The following PARL variants were observed in gnomAD, a reference collection of about 807,000 sequenced individuals.
The protein encoded by PARL is presenilin-associated rhomboid-like protein, mitochondrial.
Under a neutral mutation model 51.6 loss-of-function variants are expected in PARL, and 44 were observed. The observed-to-expected ratio is 0.85, with a 90% CI of 0.67 to 1.10. The LOEUF is 1.10. PARL is among the 50% of genes least tolerant of loss of function. The pLI is 0.00. For synonymous variants in PARL, 172 were observed against 164.0 expected (o/e 1.05, Z -0.37); for missense variants, 441 against 469.5 (o/e 0.94, Z 0.56).
chr3:183,875,055 G>A (rs1011163786), intron 1 of PARL, among the ~76,000 whole-genome samples: 1 of 152,194 alleles, frequency 6.6e-6, no homozygotes, highest in Non-Finnish European at 1.5e-5. Flanking sequence ...CTGGATGACA[G>A]AACTAGACTC....
At position 183,829,642 on chromosome 3, in the gene PARL, C is replaced by T. The variant is rs1198609034; in HGVS notation, c.1096G>A (p.Glu366Lys). 4 of 1,614,036 alleles carry T rather than the reference C, an allele frequency of 2.5e-6. No homozygotes were observed. In the African/African-American group the frequency reaches 5.3e-5, roughly 22 times the overall value. The change falls in exon 10 of 10, where the codon GAA becomes AAA. Residue 366 changes from glutamate to lysine, a missense_variant. Coordinates refer to ENST00000317096, the MANE Select transcript of PARL (RefSeq NM_018622.7). ...NREPLVKIWH[E>K]IRTNGPKKGG... is the part of the protein sequence containing the mutation. ...TTTTTGGGGCCATTAGTCCTTATTT[C>T]ATGCCAGATTTTCACTAGCGGCTCC... is the stretch of plus-strand genomic sequence containing the variant.
At chr3:183,827,244 G>A (rs1391999650), downstream of PARL, among the ~76,000 whole-genome samples, 2 of 152,110 alleles carry the variant, frequency 1.3e-5, no homozygotes, top group African/African-American at 4.8e-5. Flanking sequence ...TTGAGCCCAG[G>A]AGTTTGAGAA....
chr3:183,831,414 C>T (rs893038658), intron 9 of PARL, among the ~76,000 whole-genome samples: 11 of 152,282 alleles, frequency 7.2e-5, no homozygotes, highest in African/African-American at 2.6e-4. Context: ...GCAAGATGAC[C>T]GATTTCTAGG....
At chr3:183,866,840 C>A in intron 2 of PARL, 75 bp from the exon 3 acceptor site, 1 of 1,098,656 alleles carries the variant, frequency 9.1e-7, no homozygotes, top group East Asian at 2.6e-5. Flanking sequence ...AAGGAGAATT[C>A]TTCACTGTCA....
intron 7 of PARL, among the ~76,000 whole-genome samples, chr3:183,836,998 C>T (rs945564250): frequency 6.6e-6 from 1 of 152,192 alleles, no homozygotes; most frequent in Non-Finnish European, 1.5e-5. Context: ...ACCTCGGCCT[C>T]CCAAAGTGCT....
chr3:183,866,879 T>A (rs369831647), intron 2 of PARL, 114 bp from the exon 3 acceptor site: 1 of 784,878 alleles, frequency 1.3e-6, no homozygotes, highest in Admixed American at 2.3e-5. Flanking sequence ...CAGAAGGGAA[T>A]ACTTGGCACA....
chr3:183,835,199 T>C (rs1728432181), intron 7 of PARL, among the ~76,000 whole-genome samples: 2 of 151,738 alleles, frequency 1.3e-5, no homozygotes, highest in Admixed American at 1.3e-4. Context: ...AAAATAACTT[T>C]TGAAAGAAGC....
At chr3:183,844,191 T>C (rs1261467488) in intron 5 of PARL, 40 bp downstream of exon 5, 1 of 1,307,778 alleles carries the variant, frequency 7.6e-7, no homozygotes. Flanking sequence ...TCTTTCATAT[T>C]ATTTCTACCT....
intron 9 of PARL, among the ~76,000 whole-genome samples, chr3:183,832,894 C>G (rs1047053811): frequency 1.3e-5 from 2 of 152,164 alleles, no homozygotes; most frequent in African/African-American, 4.8e-5. Flanking sequence ...TATTGAAGAG[C>G]TGTTTGGCCT....
chr3:183,855,231 G>A (rs994833349), intron 4 of PARL, among the ~76,000 whole-genome samples: 4 of 152,128 alleles, frequency 2.6e-5, no homozygotes, highest in Admixed American at 6.5e-5. Context: ...ATTAGATGAC[G>A]TTAATAGTTG....
At position 183,862,788 on chromosome 3, in the gene PARL, C is replaced by G; in HGVS notation, c.476G>C (p.Trp159Ser). 6.2e-7 allele frequency: 1 copy of G among 1,613,330 alleles called. No individual in the cohort carries two copies. Among genetic ancestry groups the G allele is most frequent in the South Asian group, 1.1e-5 (1 of 91,056 alleles). ...GDFRKEINKW[W>S]NNLSDGQRTV... ...CCGCTGGCCATCACTTAGGTTATTCCACCACTTGTTAATCTAAAACAGACA... is the reference window on the plus strand; with the variant it reads ...CCGCTGGCCATCACTTAGGTTATTCGACCACTTGTTAATCTAAAACAGACA... Residue 159 changes from tryptophan (W) to serine (S), a missense_variant, in exon 4 of 10, where the codon TGG becomes TCG. Trp to Ser is a radical substitution (Grantham distance 177). Coordinates refer to ENST00000317096, the MANE Select transcript of PARL (RefSeq NM_018622.7).
intron 4 of PARL, among the ~76,000 whole-genome samples, chr3:183,854,702 T>C (rs372080095): frequency 8.7e-5 from 13 of 148,924 alleles, no homozygotes; most frequent in Admixed American, 4.7e-4. Context: ...ACTATATGCT[T>C]AAAAATGATT....
In PARL at chr3:183,833,739, C is replaced by T. The variant is rs375492363; in HGVS notation, c.915G>A (p.Thr305=). ...AAATACTTACATTCCCTGCTGTGAA[C>T]GTGAACATCGGAAGGAAAATAATGG... ...RLAIIFLPMF[T]FTAGNALKAI... The change falls in exon 8 of 10, where the codon ACG becomes ACA. Residue 305 remains threonine, a synonymous_variant. Transcript: ENST00000317096. The T allele has an allele frequency of 2.3e-5, 37 of 1,606,208 alleles. No homozygotes were observed. The highest frequency in any genetic ancestry group is 8.5e-6 in the Non-Finnish European group (10 of 1,172,900).
At chr3:183,837,629 A>G (rs191836617) in intron 7 of PARL, among the ~76,000 whole-genome samples, 35 of 152,266 alleles carry the variant, frequency 2.3e-4, no homozygotes, top group Admixed American at 1.8e-3. Context: ...AGGAACCTGG[A>G]CGTCTACTCC....
At chr3:183,870,825 T>C (rs1256603272) in intron 1 of PARL, among the ~76,000 whole-genome samples, 1 of 152,192 alleles carries the variant, frequency 6.6e-6, no homozygotes, top group African/African-American at 2.4e-5. Context: ...TGATCTGTTT[T>C]GCTCTCTTAA....
intron 4 of PARL, among the ~76,000 whole-genome samples, chr3:183,859,103 A>C (rs1036816458): frequency 1.3e-5 from 2 of 152,068 alleles, no homozygotes; most frequent in Admixed American, 1.3e-4. Flanking sequence ...CAGAAGATCT[A>C]GACCATCCTG....
Position 183,844,250 on chromosome 3 carries a change from G to A in PARL, c.588C>T (p.Phe196=), listed in dbSNP as rs981409512. The change falls in exon 5 of 10, where the codon TTC becomes TTT. Residue 196 remains phenylalanine (F), a synonymous_variant. Transcript: ENST00000317096. ...PSLQRTMIRY[F]TSNPASKVLC... is the part of the protein sequence containing the mutation. ...ACTTACTTGAGGCTGGATTCGATGT[G>A]AAATATCTGATCATTGTCCGCTGCA... 6 of 1,603,870 alleles carry A rather than the reference G, an allele frequency of 3.7e-6. No individual in the cohort carries two copies. Among genetic ancestry groups the A allele is most frequent in the Non-Finnish European group, 4.3e-6 (5 of 1,171,640 alleles).
intron 4 of PARL, among the ~76,000 whole-genome samples, chr3:183,845,370 T>C (rs1467874181): frequency 6.6e-6 from 1 of 152,216 alleles, no homozygotes; most frequent in Non-Finnish European, 1.5e-5. Flanking sequence ...AAGCTACATT[T>C]TTCACAGATC....
chr3:183,839,723 AAC>A (rs1474106558), intron 7 of PARL, among the ~76,000 whole-genome samples: 2 of 149,638 alleles, frequency 1.3e-5, no homozygotes, highest in African/African-American at 4.9e-5. Flanking sequence ...CCAGCCTCAA[AAC>A]ACACTTAAAA....
Sources: gnomAD v4.1 joint callset for allele counts (sites outside exome capture counted in the v4.1 genomes callset) on GRCh38, gnomAD v4.1.1 for gene constraint, MANE v1.5 for transcripts, NCBI Gene and HGNC (gene_info 2026-07-23, HGNC 2026-07-21) for gene names.